CAPN2: variants seen among roughly 807,000 people sequenced by gnomAD.
CAPN2 encodes calpain-2 catalytic subunit.
In CAPN2, 92 loss-of-function variants were observed where a neutral mutation model predicts 102.3. The observed-to-expected ratio is 0.90, with a 90% CI of 0.76 to 1.07. The LOEUF (loss-of-function observed/expected upper bound fraction) is 1.07. Ranked by LOEUF, CAPN2 falls within the 50% of genes least tolerant of loss-of-function variation. CAPN2 has a pLI of 0.00. For synonymous variants in CAPN2, 340 were observed against 355.4 expected, an observed-to-expected ratio of 0.96 and a Z score of 0.49; for missense variants, 800 against 909.4, an observed-to-expected ratio of 0.88 and a Z score of 1.55.
rs1356669739 is a variant in CAPN2 at position 223,725,382 on chromosome 1, CAA to C, written c.307+7563_307+7564del. Among the ~76,000 whole-genome samples the C allele has an allele frequency of 7.4e-6, 1 of 134,388 alleles. No individual in the cohort carries two copies. 88.2% of individuals were successfully genotyped at this position (134,388 alleles called of 152,430 possible). A position where few individuals can be genotyped will look rare whatever the true frequency, so the allele number is the denominator to read the frequency against. On this transcript the variant is annotated intron_variant, in intron 2 of 20. Transcript: ENST00000295006. The surrounding 1 kb of genome is among the most constrained non-coding windows in gnomAD (Gnocchi z 4.1). ...TGGGCAATAGAGCGAGACTTCATCTCAAAAAAAAAAAAATTGTGTCTACCTCA... is the reference window on the plus strand; with the variant it reads ...TGGGCAATAGAGCGAGACTTCATCTCAAAAAAAAAAATTGTGTCTACCTCA...
At chr1:223,747,551 G>C in intron 5 of CAPN2, among the ~76,000 whole-genome samples, 1 of 152,144 alleles carries the variant, frequency 6.6e-6, no homozygotes, top group East Asian at 1.9e-4. Flanking sequence ...TAAATGGTCT[G>C]GGATAAAGTC....
At chr1:223,740,730 C>A (rs549344959) in intron 2 of CAPN2, among the ~76,000 whole-genome samples, 28 of 152,250 alleles carry the variant, frequency 1.8e-4, no homozygotes, top group African/African-American at 6.5e-4. Flanking sequence ...AATGTTAGCA[C>A]AGGTCTTTGA....
chr1:223,736,192 A>T (rs1660452792), intron 2 of CAPN2, among the ~76,000 whole-genome samples: 2 of 152,178 alleles, frequency 1.3e-5, no homozygotes. Flanking sequence ...GGGGTCCTGG[A>T]CAACGTAGAA....
intron 15 of CAPN2, among the ~76,000 whole-genome samples, chr1:223,765,496 T>A (rs994831022): frequency 6.6e-6 from 1 of 152,222 alleles, no homozygotes; most frequent in Non-Finnish European, 1.5e-5. Flanking sequence ...TAAAGCCTCA[T>A]TGTTTCTGCA....
At chr1:223,702,368 G>A (rs1222449282) in intron 1 of CAPN2, among the ~76,000 whole-genome samples, 1 of 151,642 alleles carries the variant, frequency 6.6e-6, no homozygotes, top group Non-Finnish European at 1.5e-5. Flanking sequence ...TAGAGGTTGC[G>A]GTAAGCTGAG....
Position 223,771,920 on chromosome 1 carries a change from T to C in CAPN2, c.2015T>C (p.Leu672Pro), listed in dbSNP as rs139047155. 794 of 1,605,300 alleles carry C rather than the reference T, an allele frequency of 4.9e-4. 1 individual carries two copies. Among genetic ancestry groups the C allele is most frequent in the Non-Finnish European group, 6.5e-4 (761 of 1,172,008 alleles). ...CGGTGTTTGGTTCGGCTGGAAACGC[T>C]ATTCAGTAAGTGGATATTTGGGGAA... ...FVRCLVRLET[L>P]FKIFKQLDPE... Residue 672 changes from leucine to proline, a missense_variant, in exon 19 of 21, where the codon CTA (leucine) becomes CCA (proline). By Grantham distance (98) the Leu-to-Pro change is moderately conservative. Coordinates refer to ENST00000295006, the MANE Select transcript of CAPN2 (RefSeq NM_001748.5).
chr1:223,706,149 G>A (rs976979104), intron 1 of CAPN2, among the ~76,000 whole-genome samples: 1 of 152,122 alleles, frequency 6.6e-6, no homozygotes, highest in Non-Finnish European at 1.5e-5. Flanking sequence ...AAAGAGAAGG[G>A]GCTTAGAAAA....
chr1:223,759,564 C>T lies in CAPN2; in HGVS notation c.1529+83C>T. ...TTCCTCGGCCCCTAGAGGGCTCTTT[C>T]ATCCTCTGAATGTCAGTTACTTTTT... On this transcript the variant is annotated intron_variant, in intron 12 of 20. Coordinates refer to ENST00000295006, the MANE Select transcript of CAPN2 (RefSeq NM_001748.5). The surrounding 1 kb of genome is among the most constrained non-coding windows in gnomAD (Gnocchi z 4.6). The T allele has an allele frequency of 8.9e-7, 1 of 1,127,444 alleles. No individual in the cohort carries two copies. Among genetic ancestry groups the T allele is most frequent in the Non-Finnish European group, 1.3e-6 (1 of 770,660 alleles). The allele number at this position is 1,127,444 out of a possible 1,614,324, so 69.8% of individuals were successfully genotyped here.
chr1:223,750,016 A>G (rs1192227248), intron 6 of CAPN2, among the ~76,000 whole-genome samples: 4 of 152,188 alleles, frequency 2.6e-5, no homozygotes, highest in Non-Finnish European at 5.9e-5. Context: ...TCTCAAAAAA[A>G]AAATTATCAA....
In CAPN2 at chr1:223,754,401, G is replaced by C. The variant is rs1255545063; in HGVS notation, c.1136-1079G>C. ...TCGGAAAACTCCCTCTAAAGGGTCA[G>C]ATAGTAAATAATTTTGGCTTTGTGG... On this transcript the variant is annotated intron_variant, in intron 9 of 20. Transcript: ENST00000295006. This position sits in a 1 kb window ranked among gnomAD's most constrained non-coding sequence, Gnocchi z 4.7. Among the ~76,000 whole-genome samples, 1 of 152,200 alleles carries C rather than the reference G, an allele frequency of 6.6e-6. No individual in the cohort carries two copies. Among genetic ancestry groups the C allele is most frequent in the African/African-American group, 2.4e-5 (1 of 41,452 alleles).
intron 16 of CAPN2, among the ~76,000 whole-genome samples, chr1:223,767,346 C>T (rs1235277297): frequency 8.3e-6 from 1 of 120,200 alleles, no homozygotes; most frequent in East Asian, 3.0e-4. Context: ...CCCCTCCCCC[C>T]ACCCCACAAC....
intron 2 of CAPN2, among the ~76,000 whole-genome samples, chr1:223,737,652 C>T (rs1411289223): frequency 7.7e-6 from 1 of 129,624 alleles, no homozygotes; most frequent in South Asian, 2.4e-4. Context: ...TTAGTATTTA[C>T]ATATGCCTTA....
Position 223,731,065 on chromosome 1 carries a change from G to A in CAPN2, c.308-13035G>A, listed in dbSNP as rs1660324693. 6.6e-6 allele frequency among the ~76,000 whole-genome samples: 1 copy of A among 152,158 alleles called. No homozygotes were observed. Among genetic ancestry groups the A allele is most frequent in the South Asian group, 2.1e-4 (1 of 4,824 alleles). Reference sequence around the variant, plus strand: ...TTCAGATCATGTTGGGAGTCAGCTGGGAGTCAGTGTGAGGATCTGGGAGGG... The same window carrying A: ...TTCAGATCATGTTGGGAGTCAGCTGAGAGTCAGTGTGAGGATCTGGGAGGG... On this transcript the variant is annotated intron_variant, in intron 2 of 20. Coordinates refer to ENST00000295006, the MANE Select transcript of CAPN2 (RefSeq NM_001748.5). The surrounding 1 kb of genome is among the most constrained non-coding windows in gnomAD (Gnocchi z 4.2).
At chr1:223,733,128 T>TC (rs1558064740) in intron 2 of CAPN2, among the ~76,000 whole-genome samples, 1 of 152,112 alleles carries the variant, frequency 6.6e-6, no homozygotes, top group Non-Finnish European at 1.5e-5. Flanking sequence ...CCTGCAGGAC[T>TC]GTCAGCAGCC....
rs934567750 is a variant in CAPN2, at chr1:223,744,355, C to T, written c.426+137C>T. The T allele has an allele frequency of 3.2e-5, 21 of 646,794 alleles. No homozygotes were observed. Among genetic ancestry groups the T allele is most frequent in the Admixed American group, 2.2e-4 (9 of 40,292 alleles). The allele number at this position is 646,794 out of a possible 1,614,324, so 40.1% of individuals were successfully genotyped here. A position where few individuals can be genotyped will look rare whatever the true frequency, so the allele number is the denominator to read the frequency against. ...ATACTGTTCTACAAAGGACATTGGGCGAGAGCAGGAAGCTTCCTGGCTTAC... is the reference window on the plus strand; with the variant it reads ...ATACTGTTCTACAAAGGACATTGGGTGAGAGCAGGAAGCTTCCTGGCTTAC... On this transcript the variant is annotated intron_variant, in intron 3 of 20. Coordinates refer to ENST00000295006, the MANE Select transcript of CAPN2 (RefSeq NM_001748.5).
At chr1:223,710,081 C>A (rs563916161), upstream of CAPN2, among the ~76,000 whole-genome samples, 256 of 152,212 alleles carry the variant, frequency 1.7e-3, 2 homozygotes, top group African/African-American at 6.0e-3. Context: ...TCGAGACCAG[C>A]CTGGCCAACA....
chr1:223,773,888 G>A (rs924173866), intron 20 of CAPN2, among the ~76,000 whole-genome samples: 3 of 151,828 alleles, frequency 2.0e-5, no homozygotes, highest in Non-Finnish European at 2.9e-5. Context: ...AAAAAAATGA[G>A]CCAGGCATGG....
At position 223,726,109 on chromosome 1, in the gene CAPN2, C is replaced by CTTTAGCCCAAGCAAGACTT. The variant is rs35593160; in HGVS notation, c.307+8279_307+8280insTTAGCCCAAGCAAGACTTT. On this transcript the variant is annotated intron_variant, in intron 2 of 20. Coordinates refer to ENST00000295006, the MANE Select transcript of CAPN2 (RefSeq NM_001748.5). The surrounding 1 kb of genome is among the most constrained non-coding windows in gnomAD (Gnocchi z 4.4). Reference sequence around the variant, plus strand: ...TTTTGCTACCCCAGCCCAAGCAAGACTAGTAGTTCAGCTTTGTGAATCCCC... The same window carrying CTTTAGCCCAAGCAAGACTT: ...TTTTGCTACCCCAGCCCAAGCAAGACTTTAGCCCAAGCAAGACTTTAGTAGTTCAGCTTTGTGAATCCCC... 5.9e-5 allele frequency among the ~76,000 whole-genome samples: 9 copies of CTTTAGCCCAAGCAAGACTT among 152,276 alleles called. No individual in the cohort carries two copies. The highest frequency in any genetic ancestry group is 4.6e-4 in the Admixed American group (7 of 15,286).
upstream of CAPN2, among the ~76,000 whole-genome samples, chr1:223,710,281 C>T (rs1163389415): frequency 6.6e-6 from 1 of 151,868 alleles, no homozygotes; most frequent in Non-Finnish European, 1.5e-5. Context: ...TGCTACATCT[C>T]AAGAAAAACA....
Sources: allele counts gnomAD v4.1 joint callset (sites outside exome capture counted in the v4.1 genomes callset), GRCh38; gene constraint gnomAD v4.1.1; non-coding constraint Gnocchi (gnomAD v3.1); transcripts MANE v1.5; gene names NCBI Gene and HGNC (gene_info 2026-07-23, HGNC 2026-07-21).